CALN1: variants seen among roughly 807,000 people sequenced by gnomAD.
The protein encoded by CALN1 is calcium-binding protein 8.
Under a neutral mutation model 30.6 loss-of-function variants are expected in CALN1, and 17 were observed. That is an observed-to-expected ratio of 0.56 (90% CI 0.38 to 0.83). The LOEUF is 0.83. Ranked by LOEUF, CALN1 falls within the 40% of genes least tolerant of loss-of-function variation. CALN1 has a pLI of 0.00. For synonymous variants in CALN1, 156 were observed against 131.4 expected, an observed-to-expected ratio of 1.19 and a Z score of -1.28; for missense variants, 291 against 354.9, an observed-to-expected ratio of 0.82 and a Z score of 1.45.
rs557870042 is a variant in CALN1 at position 72,396,221 on chromosome 7, ACT to A, written c.119+7028_119+7029del. ...AGACCAGCCTGGTCAGCATGGTGAAACTCTTGTCTCTACTAAAAAAAAAAAAA... is the reference window on the plus strand; with the variant it reads ...AGACCAGCCTGGTCAGCATGGTGAAACTTGTCTCTACTAAAAAAAAAAAAA... On this transcript the variant is annotated intron_variant, in intron 2 of 6. Transcript: ENST00000395275. Among the ~76,000 whole-genome samples the A allele has an allele frequency of 2.1e-4, 27 of 128,954 alleles. No homozygotes were observed. The South Asian group carries it at 6.0e-3, about 28-fold the overall frequency. The allele number at this position is 128,954 out of a possible 152,430, so 84.6% of individuals were successfully genotyped here.
chr7:72,124,789 T>G (rs1275813774), intron 3 of CALN1, among the ~76,000 whole-genome samples: 3 of 142,282 alleles, frequency 2.1e-5, no homozygotes, highest in African/African-American at 7.9e-5. Context: ...AAAAAACAAA[T>G]GAACTGACCT....
At chr7:72,454,901 C>A in the CALN1 span, among the ~76,000 whole-genome samples, 1 of 151,680 alleles carries the variant, frequency 6.6e-6, no homozygotes, top group African/African-American at 2.4e-5. Context: ...GCACCATATC[C>A]GCTCACTGCA....
chr7:72,182,150 C>T (rs181569816), intron 3 of CALN1, among the ~76,000 whole-genome samples: 1 of 152,076 alleles, frequency 6.6e-6, no homozygotes, highest in African/African-American at 2.4e-5. Context: ...CCTAGAATGC[C>T]GCTGGTCTCA....
At chr7:72,397,315 ACC>A (rs1241538895) in intron 2 of CALN1, among the ~76,000 whole-genome samples, 3 of 152,186 alleles carry the variant, frequency 2.0e-5, no homozygotes, top group African/African-American at 7.2e-5. Flanking sequence ...CAGTGTAAGC[ACC>A]CAGAGGGTCC....
In CALN1 at chr7:71,809,762, T is replaced by C. The variant is rs564486647; in HGVS notation, c.658+574A>G. 6.3e-4 allele frequency among the ~76,000 whole-genome samples: 96 copies of C among 152,202 alleles called. No homozygotes were observed. In the South Asian group the frequency reaches 0.019, roughly 31 times the overall value. ...CCTTTCATGGGTCTCTTTTTTGGCC[T>C]CCAGAGAACCTTATTTCTTCTGTAA... On this transcript the variant is annotated intron_variant, in intron 6 of 6. Transcript: ENST00000395275.
chr7:71,992,195 G>C (rs1276803669), intron 5 of CALN1, among the ~76,000 whole-genome samples: 1 of 152,118 alleles, frequency 6.6e-6, no homozygotes, highest in Non-Finnish European at 1.5e-5. Flanking sequence ...AAATACACTT[G>C]TTTAAATTGG....
chr7:72,101,355 TC>T (rs113952491), intron 4 of CALN1, among the ~76,000 whole-genome samples: 4 of 152,168 alleles, frequency 2.6e-5, no homozygotes, highest in African/African-American at 7.2e-5. Flanking sequence ...GAAACTTTTT[TC>T]CCTGCAAATG....
At chr7:72,418,516 C>T (rs1445926956) in intron 1 of CALN1, among the ~76,000 whole-genome samples, 1 of 152,152 alleles carries the variant, frequency 6.6e-6, no homozygotes, top group Non-Finnish European at 1.5e-5. Flanking sequence ...GCACTGCACC[C>T]TCCAGGGCTC....
In CALN1 at chr7:72,428,111, T is replaced by C. The variant is rs189011163; in HGVS notation, c.-225-15836A>G. On this transcript the variant is annotated intron_variant, in intron 1 of 6. Coordinates refer to the CALN1 transcript ENST00000395276. ...CCACAGACACAGTCGAGACACTCCC[T>C]GCCATGCTGTTTTCCATCATAGCAT... Among the ~76,000 whole-genome samples, 344 of 152,344 alleles carry C rather than the reference T, an allele frequency of 2.3e-3. 1 individual carries two copies. The highest frequency in any genetic ancestry group is 8.1e-3 in the African/African-American group (337 of 41,588).
intron 4 of CALN1, among the ~76,000 whole-genome samples, chr7:72,024,690 T>C (rs1457649381): frequency 6.6e-6 from 1 of 152,032 alleles, no homozygotes; most frequent in Non-Finnish European, 1.5e-5. Flanking sequence ...TGAGCCACCA[T>C]GCCCGGCCTG....
intron 4 of CALN1, among the ~76,000 whole-genome samples, chr7:72,031,726 C>T (rs1345731985): frequency 2.0e-5 from 3 of 150,046 alleles, no homozygotes; most frequent in Non-Finnish European, 2.9e-5. Flanking sequence ...TGCCACCACG[C>T]CTGGCTAATT....
chr7:72,320,448 G>C (rs767925879), intron 2 of CALN1, among the ~76,000 whole-genome samples: 1 of 152,128 alleles, frequency 6.6e-6, no homozygotes, highest in East Asian at 1.9e-4. Flanking sequence ...AACAAGTTTC[G>C]GGATGGAAGC....
chr7:72,377,515 T>C (rs1317800718), intron 2 of CALN1, among the ~76,000 whole-genome samples: 1 of 151,900 alleles, frequency 6.6e-6, no homozygotes, highest in East Asian at 1.9e-4. Flanking sequence ...TGAACATTTT[T>C]TTGACTATTA....
chr7:72,354,524 C>A (rs1012822949), intron 2 of CALN1, among the ~76,000 whole-genome samples: 4 of 152,132 alleles, frequency 2.6e-5, no homozygotes, highest in Non-Finnish European at 5.9e-5. Flanking sequence ...GAAAGACTTT[C>A]TTTCCAACTG....
intron 5 of CALN1, among the ~76,000 whole-genome samples, chr7:72,015,026 T>C (rs147915658): frequency 5.9e-5 from 9 of 152,370 alleles, no homozygotes; most frequent in African/African-American, 2.2e-4. Context: ...GATTGTTCCA[T>C]TGCCTCCAAT....
At chr7:71,971,969 G>GAAAGAAAGAAAGAAAA (rs1797849825) in intron 5 of CALN1, among the ~76,000 whole-genome samples, 2 of 95,362 alleles carry the variant, frequency 2.1e-5, no homozygotes, top group Admixed American at 2.3e-4. Flanking sequence ...AAGAAAGAAA[G>GAAAGAAAGAAAGAAAA]AAAGAAAGAA....
chr7:71,835,328 C>A (rs1789541486), intron 5 of CALN1, among the ~76,000 whole-genome samples: 1 of 152,202 alleles, frequency 6.6e-6, no homozygotes, highest in Non-Finnish European at 1.5e-5. Context: ...ATAAGGCATG[C>A]AGTTAGGAAT....
chr7:72,156,605 C>G (rs1047402602), intron 3 of CALN1, among the ~76,000 whole-genome samples: 1 of 152,190 alleles, frequency 6.6e-6, no homozygotes. Flanking sequence ...ATGTCACCAC[C>G]GTAGCGACCT....
chr7:71,897,193 C>T (rs1003447820), intron 5 of CALN1, among the ~76,000 whole-genome samples: 1 of 152,126 alleles, frequency 6.6e-6, no homozygotes, highest in East Asian at 1.9e-4. Flanking sequence ...ACAGGCCTTT[C>T]GTTGTGAATT....
Sources: gnomAD v4.1 joint callset for allele counts (sites outside exome capture counted in the v4.1 genomes callset) on GRCh38, gnomAD v4.1.1 for gene constraint, MANE v1.5 for transcripts, NCBI Gene and HGNC (gene_info 2026-07-23, HGNC 2026-07-21) for gene names.